The following TECRL variants were observed in gnomAD, a reference collection of about 807,000 sequenced individuals.
The protein encoded by TECRL is trans-2,3-enoyl-CoA reductase like.
Under a neutral mutation model 52.8 loss-of-function variants are expected in TECRL, and 63 were observed. The observed-to-expected ratio is 1.19, with a 90% CI of 0.97 to 1.47. The LOEUF is 1.47. Ranked by LOEUF, TECRL falls within the 40% of genes most tolerant of loss-of-function variation. TECRL has a pLI of 0.00. For missense variants in TECRL, 482 were observed against 429.6 expected, an observed-to-expected ratio of 1.12 and a Z score of -1.08; for synonymous variants, 164 against 141.9, an observed-to-expected ratio of 1.16 and a Z score of -1.10.
intron 2 of TECRL, 32 bp from the exon 3 acceptor site, chr4:64,328,588 GA>G: frequency 6.3e-7 from 1 of 1,589,706 alleles, no homozygotes; most frequent in South Asian, 1.1e-5. Context: ...TTAATTGTCA[GA>G]AAAAGTGTAA....
intron 5 of TECRL, among the ~76,000 whole-genome samples, chr4:64,313,162 G>T (rs1367125940): frequency 6.6e-6 from 1 of 152,154 alleles, no homozygotes; most frequent in Admixed American, 6.5e-5. Flanking sequence ...GTAATTAAAG[G>T]TAGGCAAAAC....
intron 2 of TECRL, among the ~76,000 whole-genome samples, chr4:64,349,530 C>T (rs917466830): frequency 6.6e-6 from 1 of 152,110 alleles, no homozygotes; most frequent in Non-Finnish European, 1.5e-5. Context: ...AATCCAAAAT[C>T]CTTGAAGACA....
chr4:64,368,484 C>T (rs1249005751), intron 2 of TECRL, among the ~76,000 whole-genome samples: 2 of 151,898 alleles, frequency 1.3e-5, no homozygotes, highest in Non-Finnish European at 2.9e-5. Context: ...TTAGTAGAGA[C>T]GGGGTTTCGC....
chr4:64,318,197 GT>G (rs1560495155), intron 4 of TECRL, among the ~76,000 whole-genome samples: 1 of 152,032 alleles, frequency 6.6e-6, no homozygotes, highest in Non-Finnish European at 1.5e-5. Context: ...CAAACAGACT[GT>G]GAGCAAAACC....
At chr4:64,341,953 T>G (rs1286057299) in intron 2 of TECRL, among the ~76,000 whole-genome samples, 3 of 152,080 alleles carry the variant, frequency 2.0e-5, no homozygotes, top group Non-Finnish European at 4.4e-5. Flanking sequence ...CCTTTGTCAC[T>G]CCACACCTGA....
chr4:64,289,302 T>C (rs1172202270), intron 9 of TECRL, among the ~76,000 whole-genome samples: 1 of 152,176 alleles, frequency 6.6e-6, no homozygotes, highest in Non-Finnish European at 1.5e-5. Context: ...ATTACCATCA[T>C]TACAAAAAGA....
At chr4:64,402,613 T>C (rs1384718) in intron 1 of TECRL, among the ~76,000 whole-genome samples, 142,222 of 152,090 alleles carry the variant, frequency 0.94, 67,159 homozygotes, top group East Asian at 1. Context: ...GGAACACACT[T>C]CAAGCAAGGG....
At chr4:64,356,703 G>A (rs1458265917) in intron 2 of TECRL, among the ~76,000 whole-genome samples, 1 of 152,130 alleles carries the variant, frequency 6.6e-6, no homozygotes, top group Non-Finnish European at 1.5e-5. Context: ...AAAACTGAGG[G>A]AACTCAGAGA....
intron 2 of TECRL, among the ~76,000 whole-genome samples, chr4:64,348,592 G>A (rs1720156837): frequency 6.6e-6 from 1 of 152,056 alleles, no homozygotes; most frequent in Non-Finnish European, 1.5e-5. Context: ...GATCTACCCA[G>A]AATCTGATCA....
At chr4:64,368,285 CTTTT>C (rs1186444057) in intron 2 of TECRL, among the ~76,000 whole-genome samples, 11 of 45,232 alleles carry the variant, frequency 2.4e-4, no homozygotes, top group African/African-American at 4.9e-4. Context: ...TGTTTGTTTT[CTTTT>C]TTTGTTTGTT....
At chr4:64,316,935 T>A (rs968820145) in intron 4 of TECRL, among the ~76,000 whole-genome samples, 1 of 152,090 alleles carries the variant, frequency 6.6e-6, no homozygotes, top group African/African-American at 2.4e-5. Flanking sequence ...AAATTGAGAG[T>A]CTTTGAAACC....
chr4:64,350,893 T>A (rs1004181492), intron 2 of TECRL, among the ~76,000 whole-genome samples: 2 of 151,424 alleles, frequency 1.3e-5, no homozygotes, highest in Admixed American at 1.3e-4. Context: ...AAAAGTTTTA[T>A]AGAAATCAGT....
chr4:64,344,094 T>G (rs2109541350), intron 2 of TECRL, among the ~76,000 whole-genome samples: 1 of 152,210 alleles, frequency 6.6e-6, no homozygotes, highest in Admixed American at 6.5e-5. Flanking sequence ...TTGCATTGAT[T>G]TGTTTTTCAA....
At chr4:64,344,818 G>A (rs990384147) in intron 2 of TECRL, among the ~76,000 whole-genome samples, 1 of 152,106 alleles carries the variant, frequency 6.6e-6, no homozygotes, top group Non-Finnish European at 1.5e-5. Flanking sequence ...TTGTTTGTCT[G>A]TTTTTGTTGT....
chr4:64,334,816 C>A (rs894888132), intron 2 of TECRL, among the ~76,000 whole-genome samples: 1 of 152,156 alleles, frequency 6.6e-6, no homozygotes, highest in African/African-American at 2.4e-5. Context: ...TTAAGTGGGG[C>A]AGGAAGACAG....
chr4:64,317,824 T>G (rs1230013878), intron 4 of TECRL, among the ~76,000 whole-genome samples: 1 of 152,114 alleles, frequency 6.6e-6, no homozygotes, highest in African/African-American at 2.4e-5. Flanking sequence ...AATTAGAAGG[T>G]CAAAAATGTT....
chr4:64,365,637 A>G (rs944064327), intron 2 of TECRL, among the ~76,000 whole-genome samples: 5 of 152,146 alleles, frequency 3.3e-5, no homozygotes, highest in Admixed American at 2.0e-4. Context: ...CACAATAGCA[A>G]CAAAAATATA....
intron 6 of TECRL, among the ~76,000 whole-genome samples, chr4:64,306,396 G>A (rs1724341208): frequency 6.6e-6 from 1 of 152,142 alleles, no homozygotes; most frequent in Admixed American, 6.5e-5. Flanking sequence ...GTTACGCAAA[G>A]GCCTTTGGAC....
chr4:64,341,644 C>T (rs1279383642), intron 2 of TECRL, among the ~76,000 whole-genome samples: 2 of 152,112 alleles, frequency 1.3e-5, no homozygotes, highest in South Asian at 2.1e-4. Context: ...TTGCTTGCCA[C>T]GTTGCAGGTG....
Sources: gnomAD v4.1 joint callset for allele counts (sites outside exome capture counted in the v4.1 genomes callset) on GRCh38, gnomAD v4.1.1 for gene constraint, MANE v1.5 for transcripts, NCBI Gene and HGNC (gene_info 2026-07-23, HGNC 2026-07-21) for gene names.